The following ZFHX3 variants were observed in gnomAD, a reference collection of about 807,000 sequenced individuals.
ZFHX3 encodes zinc finger homeobox protein 3.
In ZFHX3, 42 loss-of-function variants were observed where a neutral mutation model predicts 279.1. That is an observed-to-expected ratio of 0.15 (90% CI 0.12 to 0.19). The LOEUF (loss-of-function observed/expected upper bound fraction) is 0.19, where lower values mean the gene tolerates loss of function less well. Among genes scored for constraint, ZFHX3 ranks in the 10% least tolerant of loss-of-function variants. The pLI is 1.00. For synonymous variants in ZFHX3, 2,293 were observed against 1,957.8 expected, an observed-to-expected ratio of 1.17 and a Z score of -4.52; for missense variants, 4,981 against 4,754.0, an observed-to-expected ratio of 1.05 and a Z score of -1.40.
At chr16:73,310,494 G>C (rs1043453944) in intron 4 of ZFHX3, among the ~76,000 whole-genome samples, 1 of 152,176 alleles carries the variant, frequency 6.6e-6, no homozygotes, top group Non-Finnish European at 1.5e-5. Flanking sequence ...GCTCTCCATG[G>C]GGGCAATTTT....
At chr16:72,944,858 A>G (rs1162000986) in intron 3 of ZFHX3, among the ~76,000 whole-genome samples, 1 of 152,238 alleles carries the variant, frequency 6.6e-6, no homozygotes, top group African/African-American at 2.4e-5. Flanking sequence ...GAGAGAGAAA[A>G]AAAACACTAA....
chr16:73,616,803 C>T (rs1037372822), intron 2 of ZFHX3, among the ~76,000 whole-genome samples: 2 of 152,060 alleles, frequency 1.3e-5, no homozygotes, highest in Non-Finnish European at 2.9e-5. Context: ...CAACATGAGG[C>T]CTGAAGGTGA....
At chr16:73,623,330 C>A (rs1427758688) in intron 2 of ZFHX3, among the ~76,000 whole-genome samples, 2 of 151,970 alleles carry the variant, frequency 1.3e-5, no homozygotes, top group Non-Finnish European at 2.9e-5. Context: ...GCCACTGCGC[C>A]CGGCCGGGCA....
intron 3 of ZFHX3, among the ~76,000 whole-genome samples, chr16:73,392,569 T>G (rs1234427586): frequency 1.3e-5 from 2 of 151,976 alleles, no homozygotes; most frequent in Non-Finnish European, 2.9e-5. Flanking sequence ...TAGGGGATTT[T>G]GGGGGAGAAA....
At chr16:72,926,880 C>T (rs1959476814) in intron 3 of ZFHX3, among the ~76,000 whole-genome samples, 1 of 152,294 alleles carries the variant, frequency 6.6e-6, no homozygotes, top group South Asian at 2.1e-4. Flanking sequence ...TCTCTCTAGA[C>T]CACTGACATC....
chr16:73,344,287 A>T (rs1054647905), intron 3 of ZFHX3, among the ~76,000 whole-genome samples: 1 of 152,196 alleles, frequency 6.6e-6, no homozygotes, highest in Non-Finnish European at 1.5e-5. Context: ...AGATCTAATC[A>T]TAAGGAAACA....
chr16:73,164,698 GAAAAA>G (rs545221088), intron 5 of ZFHX3, among the ~76,000 whole-genome samples: 2 of 92,640 alleles, frequency 2.2e-5, no homozygotes, highest in Non-Finnish European at 2.4e-5. Flanking sequence ...AGACTCTGTT[GAAAAA>G]AAAAAAAAAA....
intron 1 of ZFHX3, among the ~76,000 whole-genome samples, chr16:73,723,280 CA>C (rs953916486): frequency 1.2e-4 from 18 of 151,124 alleles, no homozygotes; most frequent in African/African-American, 4.4e-4. Flanking sequence ...GTACTAAAAA[CA>C]AAAAAAAGGC....
At chr16:72,863,693 A>G (rs1027491999) in intron 4 of ZFHX3, among the ~76,000 whole-genome samples, 2 of 152,162 alleles carry the variant, frequency 1.3e-5, no homozygotes, top group South Asian at 2.1e-4. Context: ...TGATGGGTTC[A>G]TGGGGTCTGC....
At chr16:72,812,848 G>T (rs1462308254) in intron 5 of ZFHX3, among the ~76,000 whole-genome samples, 1 of 152,206 alleles carries the variant, frequency 6.6e-6, no homozygotes, top group Non-Finnish European at 1.5e-5. Context: ...AGCACGTACG[G>T]AAGTGCTGGT....
At chr16:73,488,045 G>A (rs967238032) in intron 2 of ZFHX3, among the ~76,000 whole-genome samples, 5 of 152,184 alleles carry the variant, frequency 3.3e-5, no homozygotes, top group African/African-American at 9.7e-5. Context: ...TACCTGCAGA[G>A]CAGTGAGCAA....
chr16:72,843,175 C>A (rs1277055480), intron 4 of ZFHX3, among the ~76,000 whole-genome samples: 1 of 152,182 alleles, frequency 6.6e-6, no homozygotes. Context: ...CTCAATTTTA[C>A]AGACTAGGAG....
At chr16:72,834,507 G>C (rs2037137693) in intron 4 of ZFHX3, among the ~76,000 whole-genome samples, 1 of 152,158 alleles carries the variant, frequency 6.6e-6, no homozygotes, top group African/African-American at 2.4e-5. Context: ...TGGTTTTGCT[G>C]ACCACAAATG....
chr16:72,883,542 A>C (rs1208555800), intron 4 of ZFHX3, among the ~76,000 whole-genome samples: 2 of 152,218 alleles, frequency 1.3e-5, no homozygotes, highest in Admixed American at 6.5e-5. Context: ...AAGCTGTAAG[A>C]AAAATACTTA....
At chr16:72,945,415 G>A (rs1960617039) in intron 3 of ZFHX3, among the ~76,000 whole-genome samples, 1 of 152,100 alleles carries the variant, frequency 6.6e-6, no homozygotes. Flanking sequence ...TCAGGCCCAC[G>A]TGCAGCCTCC....
chr16:73,193,941 G>A (rs1195018704), intron 5 of ZFHX3, among the ~76,000 whole-genome samples: 1 of 152,192 alleles, frequency 6.6e-6, no homozygotes, highest in Non-Finnish European at 1.5e-5. Context: ...TGAGTCAAAT[G>A]TTTGTGGTCC....
chr16:73,543,711 C>CCCCG (rs1348987236), intron 2 of ZFHX3, among the ~76,000 whole-genome samples: 2 of 151,994 alleles, frequency 1.3e-5, no homozygotes, highest in East Asian at 3.9e-4. Flanking sequence ...TGCCCAAGTC[C>CCCCG]CCCGCCCCCA....
intron 8 of ZFHX3, among the ~76,000 whole-genome samples, chr16:73,068,562 T>G (rs1244574771): frequency 6.6e-6 from 1 of 152,204 alleles, no homozygotes; most frequent in Non-Finnish European, 1.5e-5. Flanking sequence ...GCCCCTTGGT[T>G]TTCCAGCCTC....
At chr16:72,857,313 G>C (rs952303205) in intron 4 of ZFHX3, among the ~76,000 whole-genome samples, 2 of 152,220 alleles carry the variant, frequency 1.3e-5, no homozygotes, top group East Asian at 1.9e-4. Flanking sequence ...GTATTTGTTA[G>C]TTTTCATAGA....
Sources: gnomAD v4.1 joint callset for allele counts (sites outside exome capture counted in the v4.1 genomes callset) on GRCh38, gnomAD v4.1.1 for gene constraint, MANE v1.5 for transcripts, NCBI Gene and HGNC (gene_info 2026-07-23, HGNC 2026-07-21) for gene names.